The following ADAMTS2 variants were observed in gnomAD, a reference collection of about 807,000 sequenced individuals.
ADAMTS2 encodes the protein A disintegrin and metalloproteinase with thrombospondin motifs 2.
Under a neutral mutation model 123.0 loss-of-function variants are expected in ADAMTS2, and 50 were observed. That is an observed-to-expected ratio of 0.41 (90% CI 0.32 to 0.51). The LOEUF (loss-of-function observed/expected upper bound fraction) is 0.51, where lower values mean the gene tolerates loss of function less well. ADAMTS2 is among the 20% of genes least tolerant of loss of function. ADAMTS2 has a pLI of 0.35. For synonymous variants in ADAMTS2, 678 were observed against 695.4 expected, an observed-to-expected ratio of 0.98 and a Z score of 0.39; for missense variants, 1,494 against 1,705.2, an observed-to-expected ratio of 0.88 and a Z score of 2.18.
chr5:179,333,551 G>T (rs73808266), intron 2 of ADAMTS2, among the ~76,000 whole-genome samples: 136 of 151,544 alleles, frequency 9.0e-4, no homozygotes, highest in Middle Eastern at 6.9e-3. Context: ...ATCACACAAT[G>T]GAAATGCTCT....
chr5:179,179,106 G>A (rs1049397200), intron 5 of ADAMTS2, among the ~76,000 whole-genome samples: 7 of 152,112 alleles, frequency 4.6e-5, no homozygotes, highest in Admixed American at 1.3e-4. Context: ...CACCACACCC[G>A]GCTAATTTTT....
Position 179,313,171 on chromosome 5 carries a change from T to A in ADAMTS2, c.534+30596A>T, listed in dbSNP as rs867311025. ...CTTACCGGGGCTCCCTCCTCAGGAG[T>A]GGCCTGTGAAGAGGGGACGCACACG... On this transcript the variant is annotated intron_variant, in intron 2 of 21. Coordinates refer to ENST00000251582, the MANE Select transcript of ADAMTS2 (RefSeq NM_014244.5). 1.3e-4 allele frequency among the ~76,000 whole-genome samples: 20 copies of A among 152,002 alleles called. 1 individual carries two copies. The South Asian group carries it at 2.3e-3, about 17-fold the overall frequency.
intron 2 of ADAMTS2, among the ~76,000 whole-genome samples, chr5:179,299,715 C>T (rs557711055): frequency 3.3e-5 from 5 of 152,078 alleles, no homozygotes; most frequent in African/African-American, 9.6e-5. Flanking sequence ...CATTCCTTGG[C>T]TTGTGGCCCC....
chr5:179,265,313 C>T (rs1371995457), intron 3 of ADAMTS2, among the ~76,000 whole-genome samples: 4 of 152,240 alleles, frequency 2.6e-5, no homozygotes, highest in Non-Finnish European at 5.9e-5. Flanking sequence ...GAACCAGAAA[C>T]CATGTCGGGA....
At chr5:179,223,692 G>A (rs965155997) in intron 3 of ADAMTS2, among the ~76,000 whole-genome samples, 15 of 151,184 alleles carry the variant, frequency 9.9e-5, no homozygotes, top group Admixed American at 7.9e-4. Flanking sequence ...TCACACACAC[G>A]AATGCTCTTA....
Position 179,272,469 on chromosome 5 carries a change from CATGGCAGCACAGAGCAGGAGAGGCG to C in ADAMTS2, c.688+417_688+441del, listed in dbSNP as rs1319322558. On this transcript the variant is annotated intron_variant, in intron 3 of 21. Transcript: ENST00000251582. This position sits in a 1 kb window ranked among gnomAD's most constrained non-coding sequence, Gnocchi z 5.8. ...CTACCACAGGCACCCTCCCAGGGAC[CATGGCAGCACAGAGCAGGAGAGGCG>C]CTGTCTGGGGCTCTGGAGGCCTCTT... Among the ~76,000 whole-genome samples, 2 of 152,196 alleles carry C rather than the reference CATGGCAGCACAGAGCAGGAGAGGCG, an allele frequency of 1.3e-5. No individual in the cohort carries two copies. The highest frequency in any genetic ancestry group is 2.9e-5 in the Non-Finnish European group (2 of 68,024).
intron 2 of ADAMTS2, among the ~76,000 whole-genome samples, chr5:179,304,510 A>G (rs1756620017): frequency 6.6e-6 from 1 of 152,244 alleles, no homozygotes; most frequent in Non-Finnish European, 1.5e-5. Flanking sequence ...ACATATTTTT[A>G]AAAAGGACCA....
At chr5:179,143,325 T>C (rs1265265470) in intron 10 of ADAMTS2, among the ~76,000 whole-genome samples, 1 of 151,334 alleles carries the variant, frequency 6.6e-6, no homozygotes, top group East Asian at 1.9e-4. Flanking sequence ...TCCCAGCTAC[T>C]CGGAGGCTGA....
intron 2 of ADAMTS2, among the ~76,000 whole-genome samples, chr5:179,273,417 G>T (rs1322994050): frequency 6.6e-6 from 1 of 152,120 alleles, no homozygotes; most frequent in Non-Finnish European, 1.5e-5. Flanking sequence ...CCCCAGGAGG[G>T]CATCCACCAA....
intron 4 of ADAMTS2, among the ~76,000 whole-genome samples, chr5:179,183,409 C>T (rs1036072096): frequency 2.0e-5 from 3 of 152,196 alleles, no homozygotes; most frequent in African/African-American, 7.2e-5. Flanking sequence ...CATCCTCAAC[C>T]CCAACCTCAC....
intron 11 of ADAMTS2, among the ~76,000 whole-genome samples, 188 bp from the exon 12 acceptor site, chr5:179,138,132 G>A (rs1763098733): frequency 6.8e-6 from 1 of 146,562 alleles, no homozygotes; most frequent in East Asian, 1.9e-4. Context: ...CAGCCTGTCA[G>A]GCCTCAGAGT....
intron 4 of ADAMTS2, among the ~76,000 whole-genome samples, chr5:179,195,587 G>A (rs1764407262): frequency 6.6e-6 from 1 of 152,218 alleles, no homozygotes; most frequent in African/African-American, 2.4e-5. Flanking sequence ...GAACCACGAG[G>A]AGCTCTGCAG....
intron 13 of ADAMTS2, 134 bp from the exon 14 acceptor site, chr5:179,133,034 C>T (rs1762993017): frequency 1.7e-6 from 2 of 1,209,262 alleles, no homozygotes; most frequent in Non-Finnish European, 2.4e-6. Context: ...ATTGGGATTA[C>T]AGGCGTGAAC....
chr5:179,222,554 G>C (rs902813696), intron 3 of ADAMTS2, among the ~76,000 whole-genome samples: 1 of 152,228 alleles, frequency 6.6e-6, no homozygotes, highest in African/African-American at 2.4e-5. Context: ...CAGAAGACTG[G>C]ACCAGCAGCT....
intron 4 of ADAMTS2, among the ~76,000 whole-genome samples, chr5:179,198,153 G>C (rs560055377): frequency 5.7e-4 from 87 of 152,264 alleles, no homozygotes; most frequent in African/African-American, 1.9e-3. Context: ...GGCGGGGGGC[G>C]GGCCTGGGCA....
intron 10 of ADAMTS2, among the ~76,000 whole-genome samples, chr5:179,141,460 G>T (rs748351427): frequency 3.5e-4 from 53 of 152,244 alleles, no homozygotes; most frequent in Non-Finnish European, 5.3e-4. Flanking sequence ...TAAGGAGGTT[G>T]GTGAACCCTC....
chr5:179,245,797 A>AAAACAAAAC (rs1491546682), intron 3 of ADAMTS2, among the ~76,000 whole-genome samples: 2 of 68,324 alleles, frequency 2.9e-5, no homozygotes, highest in Non-Finnish European at 4.4e-5. Context: ...AAAAAAAAAC[A>AAAACAAAAC]AAAAAAACAA....
At chr5:179,328,048 A>G (rs1757359850) in intron 2 of ADAMTS2, among the ~76,000 whole-genome samples, 1 of 152,236 alleles carries the variant, frequency 6.6e-6, no homozygotes, top group Admixed American at 6.5e-5. Context: ...TTGTTTTTTG[A>G]GACAGAGTCT....
chr5:179,125,299 A>AC (rs1762834612), intron 18 of ADAMTS2, 119 bp from the exon 19 acceptor site: 2 of 853,138 alleles, frequency 2.3e-6, no homozygotes, highest in Non-Finnish European at 3.8e-6. Context: ...GGCAGCCTGC[A>AC]CCCCTCCCCG....
Sources: gnomAD v4.1 joint callset for allele counts (sites outside exome capture counted in the v4.1 genomes callset) on GRCh38, gnomAD v4.1.1 for gene constraint, Gnocchi (gnomAD v3.1) non-coding constraint, MANE v1.5 for transcripts, NCBI Gene and HGNC (gene_info 2026-07-23, HGNC 2026-07-21) for gene names.